The following DOCK1 variants were observed in gnomAD, a reference collection of about 807,000 sequenced individuals.
DOCK1 encodes the protein dedicator of cytokinesis protein 1.
DOCK1 carries 138 observed loss-of-function variants against 262.7 expected under a neutral mutation model. The observed-to-expected ratio is 0.53, with a 90% CI of 0.46 to 0.61. The LOEUF is 0.61. Ranked by LOEUF, DOCK1 falls within the 20% of genes least tolerant of loss-of-function variation. The pLI is 0.00. For missense variants in DOCK1, 1,908 were observed against 2,370.7 expected (o/e 0.80, Z 4.05); for synonymous variants, 866 against 867.4 (o/e 1.00, Z 0.03).
At chr10:127,320,353 C>T (rs535985311) in intron 29 of DOCK1, among the ~76,000 whole-genome samples, 7 of 152,294 alleles carry the variant, frequency 4.6e-5, no homozygotes, top group South Asian at 2.1e-4. Flanking sequence ...GCCGCCAACA[C>T]GCAGGGGCCA....
intron 27 of DOCK1, among the ~76,000 whole-genome samples, chr10:127,229,243 CA>C (rs1210834783): frequency 1.3e-5 from 2 of 152,066 alleles, no homozygotes; most frequent in Non-Finnish European, 2.9e-5. Flanking sequence ...CAAAACCAAC[CA>C]ACCAAACAAA....
chr10:127,036,998 G>GAA (rs1333057273), intron 18 of DOCK1, among the ~76,000 whole-genome samples: 12 of 109,334 alleles, frequency 1.1e-4, no homozygotes, highest in South Asian at 3.0e-4. Context: ...AAAAAAAAAA[G>GAA]AAAAAGAATA....
intron 29 of DOCK1, among the ~76,000 whole-genome samples, chr10:127,327,727 T>G (rs1057208900): frequency 6.6e-6 from 1 of 152,174 alleles, no homozygotes; most frequent in Admixed American, 6.5e-5. Context: ...TACCAATTAT[T>G]GAACAGCTGG....
intron 29 of DOCK1, among the ~76,000 whole-genome samples, chr10:127,280,867 TC>T (rs2060936822): frequency 6.6e-6 from 1 of 152,226 alleles, no homozygotes; most frequent in African/African-American, 2.4e-5. Flanking sequence ...CGGAATATTT[TC>T]AACTTTACCA....
At chr10:127,361,288 G>A (rs1394542620) in intron 32 of DOCK1, among the ~76,000 whole-genome samples, 2 of 151,598 alleles carry the variant, frequency 1.3e-5, no homozygotes. Flanking sequence ...TGATTTTTTT[G>A]TATTTTTAGT....
intron 7 of DOCK1, 142 bp downstream of exon 7, chr10:126,997,025 G>T: frequency 1.1e-6 from 1 of 895,168 alleles, no homozygotes; most frequent in Non-Finnish European, 1.6e-6. Flanking sequence ...CTACAGTCAT[G>T]AGTGGAATGG....
At chr10:127,404,068 T>G (rs2134328440) in intron 39 of DOCK1, among the ~76,000 whole-genome samples, 1 of 152,320 alleles carries the variant, frequency 6.6e-6, no homozygotes, top group Middle Eastern at 3.4e-3. Context: ...TCACAACTTT[T>G]TGCTGAATTT....
intron 27 of DOCK1, among the ~76,000 whole-genome samples, chr10:127,226,699 G>A (rs1315900752): frequency 1.3e-5 from 2 of 152,106 alleles, no homozygotes; most frequent in African/African-American, 2.4e-5. Flanking sequence ...AGCCAAGATC[G>A]TGCTACTGCA....
chr10:127,078,961 T>C (rs2046737681), intron 23 of DOCK1, among the ~76,000 whole-genome samples: 1 of 152,226 alleles, frequency 6.6e-6, no homozygotes, highest in Admixed American at 6.5e-5. Flanking sequence ...TGACCACCTA[T>C]GTCTTTTATT....
chr10:127,125,068 G>A (rs568743203), intron 25 of DOCK1, among the ~76,000 whole-genome samples: 10 of 151,804 alleles, frequency 6.6e-5, no homozygotes, highest in African/African-American at 2.4e-4. Context: ...AGTGAGCCGA[G>A]ATCACACCAC....
chr10:127,040,135 C>T (rs1481907160), intron 19 of DOCK1, among the ~76,000 whole-genome samples: 2 of 152,168 alleles, frequency 1.3e-5, no homozygotes, highest in African/African-American at 2.4e-5. Context: ...GGTCCTGCCA[C>T]CTGGGAGCCT....
chr10:127,117,268 T>G (rs2049244926), intron 25 of DOCK1, among the ~76,000 whole-genome samples: 1 of 152,196 alleles, frequency 6.6e-6, no homozygotes, highest in Non-Finnish European at 1.5e-5. Context: ...AAAGAGTGAT[T>G]ATCTCAATGC....
chr10:127,190,051 G>T (rs1401848252), intron 27 of DOCK1, among the ~76,000 whole-genome samples: 1 of 152,112 alleles, frequency 6.6e-6, no homozygotes, highest in Non-Finnish European at 1.5e-5. Context: ...TCAGCATTTG[G>T]GTTATAAGAA....
intron 29 of DOCK1, among the ~76,000 whole-genome samples, chr10:127,285,321 T>C (rs894482290): frequency 6.6e-6 from 1 of 152,274 alleles, no homozygotes. Context: ...TATTAAAACA[T>C]GCACACCTTT....
rs190521837 is a variant in DOCK1 at position 127,127,599 on chromosome 10, A to G, written c.2752-70A>G. 112 of 1,268,114 alleles carry G rather than the reference A, an allele frequency of 8.8e-5. No homozygotes were observed. The African/African-American group carries it at 1.1e-3, about 12-fold the overall frequency. 78.6% of individuals were successfully genotyped at this position (1,268,114 alleles called of 1,614,324 possible). ...ACTCTTTACAGGGTAAATGGATTCA[A>G]TGACAACCACTGGGGCTTGCATGTT... On this transcript the variant is annotated intron_variant, in intron 26 of 51. Coordinates refer to ENST00000623213, the MANE Select transcript of DOCK1 (RefSeq NM_001290223.2).
At chr10:127,026,202 G>T in intron 15 of DOCK1, 150 bp from the exon 16 acceptor site, 2 of 772,270 alleles carry the variant, frequency 2.6e-6, no homozygotes, top group Non-Finnish European at 4.1e-6. Flanking sequence ...TTTTGTCTTT[G>T]GAAAAATCAT....
chr10:127,133,881 C>T (rs1256406725), intron 27 of DOCK1, among the ~76,000 whole-genome samples: 1 of 152,184 alleles, frequency 6.6e-6, no homozygotes, highest in Non-Finnish European at 1.5e-5. Context: ...AAAGTGGCTG[C>T]ACATGCAGTG....
rs2275053 is a variant in DOCK1 at position 127,444,291 on chromosome 10, G to A, written c.5413+12G>A. ...CAGCATGCAGTCGAGTAAGTGGAACGCTCCCCACATACGAATCGTGCTATA... is the reference window on the plus strand; with the variant it reads ...CAGCATGCAGTCGAGTAAGTGGAACACTCCCCACATACGAATCGTGCTATA... On this transcript the variant is annotated intron_variant, in intron 50 of 51. Transcript: ENST00000623213. 683,731 of 1,589,320 alleles carry A rather than the reference G, an allele frequency of 0.43. 150,342 individuals carry two copies. The highest frequency in any genetic ancestry group is 0.46 in the Non-Finnish European group (535,003 of 1,169,010).
chr10:127,259,771 A>AAAT (rs1209950063), intron 29 of DOCK1, among the ~76,000 whole-genome samples: 4 of 149,064 alleles, frequency 2.7e-5, no homozygotes, highest in Non-Finnish European at 4.4e-5. Context: ...GGAATAGTCA[A>AAAT]AATCTACTTA....
Sources: allele counts gnomAD v4.1 joint callset (sites outside exome capture counted in the v4.1 genomes callset), GRCh38; gene constraint gnomAD v4.1.1; transcripts MANE v1.5; gene names NCBI Gene and HGNC (gene_info 2026-07-23, HGNC 2026-07-21).